THSD4: variants seen among roughly 807,000 people sequenced by gnomAD.
THSD4 encodes the protein thrombospondin type-1 domain-containing protein 4.
Under a neutral mutation model 119.0 loss-of-function variants are expected in THSD4, and 69 were observed. The observed-to-expected ratio is 0.58, with a 90% CI of 0.48 to 0.71. The LOEUF (loss-of-function observed/expected upper bound fraction) is 0.71, where lower values mean the gene tolerates loss of function less well. THSD4 is among the 30% of genes least tolerant of loss of function. The pLI is 0.00. For synonymous variants in THSD4, 524 were observed against 540.4 expected, an observed-to-expected ratio of 0.97 and a Z score of 0.42; for missense variants, 1,393 against 1,391.1, an observed-to-expected ratio of 1.00 and a Z score of -0.02.
At chr15:71,266,595 T>A in intron 6 of THSD4, among the ~76,000 whole-genome samples, 1 of 151,756 alleles carries the variant, frequency 6.6e-6, no homozygotes, top group Non-Finnish European at 1.5e-5. Context: ...GGAACAAAAC[T>A]GAACAGAGAA....
intron 6 of THSD4, among the ~76,000 whole-genome samples, chr15:71,384,901 G>A (rs193240101): frequency 6.6e-6 from 1 of 152,164 alleles, no homozygotes; most frequent in Non-Finnish European, 1.5e-5. Context: ...TGTTGGCCTT[G>A]GCTCTCAGAT....
At chr15:71,344,117 C>T (rs1391947095) in intron 6 of THSD4, among the ~76,000 whole-genome samples, 1 of 149,540 alleles carries the variant, frequency 6.7e-6, no homozygotes, top group African/African-American at 2.5e-5. Context: ...CTGCTCACTG[C>T]AAGCTCCGCC....
chr15:71,661,203 A>G (rs1486014633), intron 8 of THSD4, among the ~76,000 whole-genome samples: 1 of 152,142 alleles, frequency 6.6e-6, no homozygotes, highest in Non-Finnish European at 1.5e-5. Context: ...AGACCTATAC[A>G]TAGTAGTGTG....
In THSD4 at chr15:71,765,161, C is replaced by G. The variant is rs1416035899; in HGVS notation, c.2731C>G (p.Pro911Ala). ...PPSQQSCHLK[P>A]CGAKWFSTEW... ...CAGCCAGCAATCCTGCCACCTCAAG[C>G]CTTGCGGAGCCAAATGGTTTAGCAC... The change falls in exon 16 of 18, where the codon CCT (proline) becomes GCT (alanine). Residue 911 changes from proline (P) to alanine (A), a missense_variant. Physicochemically the swap from Pro to Ala is conservative, Grantham distance 27 (BLOSUM62 -1). Coordinates refer to ENST00000261862, the MANE Select transcript of THSD4 (RefSeq NM_024817.3). 1 of 1,614,060 alleles carries G rather than the reference C, an allele frequency of 6.2e-7. No individual in the cohort carries two copies. Among genetic ancestry groups the G allele is most frequent in the African/African-American group, 1.3e-5 (1 of 74,930 alleles).
At chr15:71,189,538 C>T (rs1042494227) in intron 3 of THSD4, among the ~76,000 whole-genome samples, 10 of 152,002 alleles carry the variant, frequency 6.6e-5, no homozygotes, top group African/African-American at 1.7e-4. Flanking sequence ...GGCGCAGTGG[C>T]GGGCACCTGC....
intron 7 of THSD4, among the ~76,000 whole-genome samples, chr15:71,629,391 G>T (rs145831649): frequency 6.6e-6 from 1 of 152,176 alleles, no homozygotes; most frequent in Non-Finnish European, 1.5e-5. Context: ...ACTGTTGAGA[G>T]ACCTGGCAGT....
intron 7 of THSD4, among the ~76,000 whole-genome samples, chr15:71,539,598 C>G (rs8027858): frequency 0.015 from 2,274 of 152,198 alleles, 59 homozygotes; most frequent in African/African-American, 0.051. Context: ...TTGATACTCT[C>G]GTTTGTACCA....
At chr15:71,688,686 G>GT (rs55863626) in intron 8 of THSD4, among the ~76,000 whole-genome samples, 25,317 of 139,424 alleles carry the variant, frequency 0.18, 2,373 homozygotes, top group African/African-American at 0.26. Flanking sequence ...TGTTGTTGAG[G>GT]TTTTTTTTTG....
Position 71,745,697 on chromosome 15 carries a change from G to T in THSD4, c.2036+462G>T, listed in dbSNP as rs531792382. Among the ~76,000 whole-genome samples the T allele has an allele frequency of 2.8e-4, 42 of 152,322 alleles. No individual in the cohort carries two copies. The South Asian group carries it at 8.5e-3, about 31-fold the overall frequency. ...GGCAGAGTCTAGCTCTGTTGCCCAG[G>T]CCAGATTGCAGTGGCACGATCTCAG... On this transcript the variant is annotated intron_variant, in intron 12 of 17. Transcript: ENST00000261862.
intron 6 of THSD4, among the ~76,000 whole-genome samples, chr15:71,395,914 G>GACACACACACACACACACACACAC (rs58433075): frequency 2.2e-5 from 3 of 133,380 alleles, no homozygotes; most frequent in African/African-American, 8.7e-5. Flanking sequence ...TTTGAAGAGA[G>GACACACACACACACACACACACAC]ACACACACAC....
At chr15:71,291,038 A>G (rs1430899386) in intron 6 of THSD4, among the ~76,000 whole-genome samples, 4 of 152,060 alleles carry the variant, frequency 2.6e-5, no homozygotes, top group African/African-American at 9.7e-5. Context: ...TTTCTAGACA[A>G]TGTGAATTAT....
At chr15:71,270,571 A>G (rs1009410961) in intron 6 of THSD4, among the ~76,000 whole-genome samples, 10 of 152,232 alleles carry the variant, frequency 6.6e-5, no homozygotes, top group Admixed American at 3.3e-4. Context: ...CAGATAAAAC[A>G]AAGGCCTAGA....
chr15:71,217,604 C>G (rs544161548), intron 4 of THSD4, among the ~76,000 whole-genome samples: 1 of 146,724 alleles, frequency 6.8e-6, no homozygotes, highest in African/African-American at 2.5e-5. Flanking sequence ...GCCTGGGCAA[C>G]AGAGAGAGAC....
At chr15:71,379,450 CTTTTTTTTTTT>C (rs34326932) in intron 6 of THSD4, among the ~76,000 whole-genome samples, 3 of 77,562 alleles carry the variant, frequency 3.9e-5, no homozygotes, top group African/African-American at 4.6e-5. Context: ...CAAATGGCTT[CTTTTTTTTTTT>C]TTTTTTTTTT....
chr15:71,604,070 A>G (rs535529617), intron 7 of THSD4, among the ~76,000 whole-genome samples: 1 of 152,326 alleles, frequency 6.6e-6, no homozygotes, highest in South Asian at 2.1e-4. Flanking sequence ...GACTAGAAAC[A>G]TGAAAGTGCT....
At chr15:71,334,045 T>C (rs2045461724) in intron 6 of THSD4, among the ~76,000 whole-genome samples, 1 of 152,094 alleles carries the variant, frequency 6.6e-6, no homozygotes, top group Admixed American at 6.5e-5. Context: ...TAGTTTCGAG[T>C]TGAGTTGATG....
chr15:71,688,361 T>C (rs2051962375), intron 8 of THSD4, among the ~76,000 whole-genome samples: 1 of 152,236 alleles, frequency 6.6e-6, no homozygotes, highest in Admixed American at 6.5e-5. Flanking sequence ...TAAACATGAG[T>C]GCATTTACAT....
At chr15:71,378,167 A>C (rs2046175790) in intron 6 of THSD4, among the ~76,000 whole-genome samples, 1 of 152,158 alleles carries the variant, frequency 6.6e-6, no homozygotes, top group Non-Finnish European at 1.5e-5. Flanking sequence ...GATTCTAAAG[A>C]TTAGTGATGT....
intron 8 of THSD4, among the ~76,000 whole-genome samples, chr15:71,674,196 G>A (rs2051592411): frequency 6.6e-6 from 1 of 152,162 alleles, no homozygotes; most frequent in South Asian, 2.1e-4. Context: ...AGTGGTCTAA[G>A]TGGCATTCCT....
Sources: gnomAD v4.1 joint callset for allele counts (sites outside exome capture counted in the v4.1 genomes callset) on GRCh38, gnomAD v4.1.1 for gene constraint, MANE v1.5 for transcripts, NCBI Gene and HGNC (gene_info 2026-07-23, HGNC 2026-07-21) for gene names.